ABCB5: variants seen among roughly 807,000 people sequenced by gnomAD.
ABCB5 encodes the protein ATP-binding cassette sub-family B member 5.
A neutral mutation model predicts 144.2 loss-of-function variants in ABCB5; 155 were observed. The observed-to-expected ratio is 1.08, with a 90% CI of 0.94 to 1.23. The LOEUF is 1.23. Ranked by LOEUF, ABCB5 falls within the 50% of genes most tolerant of loss-of-function variation. ABCB5 has a pLI of 0.00. For missense variants in ABCB5, 1,830 were observed against 1,520.8 expected (o/e 1.20, Z -3.38); for synonymous variants, 610 against 528.6 (o/e 1.15, Z -2.11).
At chr7:20,623,696 TAAAAG>T (rs1172106225) in intron 2 of ABCB5, among the ~76,000 whole-genome samples, 1 of 152,192 alleles carries the variant, frequency 6.6e-6, no homozygotes, top group Non-Finnish European at 1.5e-5. Flanking sequence ...GTACCTTTAA[TAAAAG>T]AAAATATTCG....
intron 14 of ABCB5, chr7:20,667,252 C>T: frequency 1.0e-6 from 1 of 981,202 alleles, no homozygotes; most frequent in Non-Finnish European, 1.2e-6. Flanking sequence ...GGCCAGGAGC[C>T]TGGCAAAGTA....
intron 14 of ABCB5, among the ~76,000 whole-genome samples, chr7:20,662,817 G>C (rs1785045069): frequency 6.6e-6 from 1 of 151,618 alleles, no homozygotes; most frequent in Non-Finnish European, 1.5e-5. Context: ...GAATCTGATT[G>C]AGAAAGGGAA....
At chr7:20,651,365 C>T (rs187458744) in intron 12 of ABCB5, 55 bp from the exon 13 acceptor site, 31 of 1,584,034 alleles carry the variant, frequency 2.0e-5, no homozygotes, top group Non-Finnish European at 2.4e-5. Context: ...ATGAAAAACC[C>T]TAAAATCAAT....
intron 26 of ABCB5, among the ~76,000 whole-genome samples, chr7:20,751,227 C>T (rs560041936): frequency 4.8e-4 from 73 of 151,558 alleles, no homozygotes; most frequent in African/African-American, 8.0e-4. Flanking sequence ...TTCAAATTTT[C>T]GGCTAAAGAG....
chr7:20,647,422 C>G, intron 9 of ABCB5, 113 bp from the exon 10 acceptor site: 2 of 1,391,544 alleles, frequency 1.4e-6, no homozygotes, highest in Non-Finnish European at 9.3e-7. Flanking sequence ...TTCTTTCTTA[C>G]CTAATTCCTC....
chr7:20,633,391 C>T (rs1361120106), intron 5 of ABCB5, among the ~76,000 whole-genome samples: 1 of 151,944 alleles, frequency 6.6e-6, no homozygotes, highest in Non-Finnish European at 1.5e-5. Flanking sequence ...TATTCTTTTC[C>T]CCCCAAAATG....
intron 12 of ABCB5, 105 bp downstream of exon 12, chr7:20,650,252 G>A (rs1784541118): frequency 4.3e-6 from 6 of 1,403,648 alleles, no homozygotes; most frequent in African/African-American, 1.4e-5. Context: ...AGAGCTGGGA[G>A]AGAAGCCATA....
chr7:20,638,026 CT>C (rs1784203905), intron 5 of ABCB5, among the ~76,000 whole-genome samples: 1 of 152,154 alleles, frequency 6.6e-6, no homozygotes, highest in African/African-American at 2.4e-5. Flanking sequence ...AGTCTGATTA[CT>C]AGATGAATGT....
intron 5 of ABCB5, among the ~76,000 whole-genome samples, chr7:20,641,117 C>A (rs1319748835): frequency 6.6e-6 from 1 of 152,132 alleles, no homozygotes; most frequent in Non-Finnish European, 1.5e-5. Context: ...ATCTCCATTT[C>A]GAGGTTTAAC....
At position 20,643,104 on chromosome 7, in the gene ABCB5, A is replaced by G. The variant is rs1562533848; in HGVS notation, c.315-80A>G. Reference sequence around the variant, plus strand: ...TTCTAGCATAAATTTCCTCAATCAAATACTGTGATCGATTTTTTATGTGTG... The same window carrying G: ...TTCTAGCATAAATTTCCTCAATCAAGTACTGTGATCGATTTTTTATGTGTG... On this transcript the variant is annotated intron_variant, in intron 5 of 27. Transcript: ENST00000404938. 2.4e-6 allele frequency: 3 copies of G among 1,269,902 alleles called. No homozygotes were observed. The East Asian group carries it at 7.5e-5, about 32-fold the overall frequency. 78.7% of individuals were successfully genotyped at this position (1,269,902 alleles called of 1,614,324 possible). A position where few individuals can be genotyped will look rare whatever the true frequency, so the allele number is the denominator to read the frequency against.
rs776207427 is a variant in ABCB5, at chr7:20,745,431, T to C, written c.3422T>C (p.Leu1141Pro). The C allele has an allele frequency of 6.2e-7, 1 of 1,614,040 alleles. No individual in the cohort carries two copies. Among genetic ancestry groups the C allele is most frequent in the South Asian group, 1.1e-5 (1 of 91,072 alleles). Reference sequence around the variant, plus strand: ...AATATCCATTCTTTTATTGAAGGTCTCCCTGAGGTAAGAAAATTTCTGAAA... The same window carrying C: ...AATATCCATTCTTTTATTGAAGGTCCCCCTGAGGTAAGAAAATTTCTGAAA... Reference protein sequence around the residue: ...AANIHSFIEGLPEKYNTQVGL... With the variant: ...AANIHSFIEGPPEKYNTQVGL... The change falls in exon 26 of 28, where the codon CTC becomes CCC. Residue 1141 changes from leucine to proline, a missense_variant. Coordinates refer to ENST00000404938, the MANE Select transcript of ABCB5 (RefSeq NM_001163941.2).
At chr7:20,743,865 G>T (rs748247878) in intron 25 of ABCB5, among the ~76,000 whole-genome samples, 16 of 151,972 alleles carry the variant, frequency 1.1e-4, no homozygotes, top group African/African-American at 3.4e-4. Flanking sequence ...CTTGAACTAT[G>T]AGACACTCAT....
chr7:20,648,405 A>T (rs1021901154), intron 11 of ABCB5, among the ~76,000 whole-genome samples: 2 of 152,130 alleles, frequency 1.3e-5, no homozygotes, highest in African/African-American at 2.4e-5. Flanking sequence ...CAACATACTC[A>T]TTTTAACCCC....
In ABCB5 at chr7:20,659,224, G is replaced by T. The variant is rs1250758734; in HGVS notation, c.1707+548G>T. The T allele has an allele frequency of 2.5e-6, 4 of 1,576,042 alleles. No individual in the cohort carries two copies. In the African/African-American group the frequency reaches 4.1e-5, roughly 16 times the overall value. ...TACCTCAAGGCCATATGCAGTTGTG[G>T]CCCTGCACCAAATTACACTGAATCT... On this transcript the variant is annotated intron_variant, in intron 14 of 27. Coordinates refer to ENST00000404938, the MANE Select transcript of ABCB5 (RefSeq NM_001163941.2).
intron 17 of ABCB5, among the ~76,000 whole-genome samples, chr7:20,698,785 G>C (rs1018296919): frequency 2.0e-5 from 3 of 152,170 alleles, no homozygotes; most frequent in African/African-American, 2.4e-5. Flanking sequence ...AAATTGCTTT[G>C]TTTTCTAATT....
chr7:20,719,527 TTCAA>T (rs1781792482), intron 20 of ABCB5, among the ~76,000 whole-genome samples: 1 of 152,170 alleles, frequency 6.6e-6, no homozygotes, highest in Admixed American at 6.5e-5. Context: ...TCCATAATCA[TTCAA>T]CTCAACACTA....
At chr7:20,750,123 G>A (rs922479562) in intron 26 of ABCB5, among the ~76,000 whole-genome samples, 1 of 152,202 alleles carries the variant, frequency 6.6e-6, no homozygotes, top group African/African-American at 2.4e-5. Context: ...CAATGTAAAT[G>A]ACGGTAGAGA....
chr7:20,722,169 CA>C (rs1178374166), intron 20 of ABCB5, among the ~76,000 whole-genome samples: 1 of 151,994 alleles, frequency 6.6e-6, no homozygotes, highest in Middle Eastern at 3.2e-3. Context: ...GCTTTATTAC[CA>C]AGAACTTATC....
chr7:20,694,391 A>C (rs956861116), intron 16 of ABCB5, among the ~76,000 whole-genome samples: 1 of 152,112 alleles, frequency 6.6e-6, no homozygotes, highest in Non-Finnish European at 1.5e-5. Context: ...CAATCAATGC[A>C]GAAAACCCAT....
Sources: allele counts gnomAD v4.1 joint callset (sites outside exome capture counted in the v4.1 genomes callset), GRCh38; gene constraint gnomAD v4.1.1; transcripts MANE v1.5; gene names NCBI Gene and HGNC (gene_info 2026-07-23, HGNC 2026-07-21).